SLC15A1: variants seen among roughly 807,000 people sequenced by gnomAD.
SLC15A1 encodes Caco-2 oligopeptide transporter.
Under a neutral mutation model 92.9 loss-of-function variants are expected in SLC15A1, and 83 were observed. That is an observed-to-expected ratio of 0.89 (90% CI 0.75 to 1.07). The LOEUF (loss-of-function observed/expected upper bound fraction) is 1.07, where lower values mean the gene tolerates loss of function less well. Among genes scored for constraint, SLC15A1 ranks in the 50% least tolerant of loss-of-function variants. The pLI, the probability that SLC15A1 is intolerant of heterozygous loss-of-function variation, is 0.00. For missense variants in SLC15A1, 857 were observed against 880.1 expected (o/e 0.97, Z 0.33); for synonymous variants, 322 against 318.2 (o/e 1.01, Z -0.13).
chr13:98,707,912 A>T (rs2088126786), intron 15 of SLC15A1, among the ~76,000 whole-genome samples: 1 of 146,484 alleles, frequency 6.8e-6, no homozygotes, highest in African/African-American at 2.6e-5. Flanking sequence ...AAAAAAAAAA[A>T]AAAAAAAAAG....
At chr13:98,704,493 T>G (rs543838690) in intron 16 of SLC15A1, 58 bp from the exon 17 acceptor site, 3 of 1,490,764 alleles carry the variant, frequency 2.0e-6, no homozygotes, top group Non-Finnish European at 2.7e-6. Flanking sequence ...ACTATGCAAC[T>G]GAACGCTGGA....
At chr13:98,696,898 G>A (rs977391984) in intron 18 of SLC15A1, among the ~76,000 whole-genome samples, 3 of 152,080 alleles carry the variant, frequency 2.0e-5, no homozygotes, top group African/African-American at 4.8e-5. Flanking sequence ...ATGAAGAGAT[G>A]ATTAGGACAC....
At chr13:98,712,197 C>T (rs751461851) in intron 10 of SLC15A1, among the ~76,000 whole-genome samples, 5 of 152,220 alleles carry the variant, frequency 3.3e-5, no homozygotes, top group Non-Finnish European at 5.9e-5. Context: ...ATCCCACCAC[C>T]GCCGTCACCA....
chr13:98,725,816 T>C (rs751613098), intron 4 of SLC15A1, among the ~76,000 whole-genome samples: 2 of 152,132 alleles, frequency 1.3e-5, no homozygotes, highest in Non-Finnish European at 2.9e-5. Context: ...CCTTGACCTC[T>C]GGGGCTCAAG....
intron 17 of SLC15A1, 81 bp from the exon 18 acceptor site, chr13:98,702,610 G>T: frequency 8.4e-7 from 1 of 1,190,782 alleles, no homozygotes; most frequent in South Asian, 1.2e-5. Context: ...TTCAGTCTTT[G>T]AGAAGGTGGT....
intron 18 of SLC15A1, among the ~76,000 whole-genome samples, chr13:98,696,307 G>T (rs1032231819): frequency 7.6e-6 from 1 of 131,940 alleles, no homozygotes; most frequent in Non-Finnish European, 1.6e-5. Flanking sequence ...CCAGCTACTC[G>T]GAAGGCTGAG....
chr13:98,705,429 C>T (rs1298834305), intron 16 of SLC15A1, among the ~76,000 whole-genome samples: 2 of 152,238 alleles, frequency 1.3e-5, no homozygotes, highest in East Asian at 1.9e-4. Context: ...GAGATGCCAG[C>T]AGCATACTCC....
intron 17 of SLC15A1, among the ~76,000 whole-genome samples, chr13:98,703,322 C>T (rs1243599706): frequency 1.3e-5 from 2 of 152,126 alleles, no homozygotes; most frequent in African/African-American, 4.8e-5. Flanking sequence ...TGAGCCTCTA[C>T]AATTTTTGAT....
chr13:98,724,196 G>C (rs1318052948), intron 4 of SLC15A1, among the ~76,000 whole-genome samples, 165 bp from the exon 5 acceptor site: 2 of 152,072 alleles, frequency 1.3e-5, no homozygotes, highest in African/African-American at 2.4e-5. Context: ...AACTCACATG[G>C]GCAAAAAGAA....
intron 18 of SLC15A1, among the ~76,000 whole-genome samples, chr13:98,691,044 CCTTTT>C: frequency 6.6e-6 from 1 of 151,964 alleles, no homozygotes. Context: ...GTACTCCATT[CCTTTT>C]TTGTTTTTTT....
chr13:98,719,164 A>C, intron 8 of SLC15A1, 73 bp downstream of exon 8: 1 of 1,080,094 alleles, frequency 9.3e-7, no homozygotes, highest in Non-Finnish European at 1.4e-6. Flanking sequence ...CACTTTAAAA[A>C]ATTAGTCACA....
chr13:98,688,699 A>C, intron 18 of SLC15A1, 122 bp from the exon 19 acceptor site: 1 of 713,640 alleles, frequency 1.4e-6, no homozygotes, highest in Non-Finnish European at 2.3e-6. Flanking sequence ...TGTTTTCAGA[A>C]TATTTCTAGA....
At chr13:98,712,996 T>C (rs2088177797) in intron 9 of SLC15A1, among the ~76,000 whole-genome samples, 2 of 152,248 alleles carry the variant, frequency 1.3e-5, no homozygotes, top group African/African-American at 2.4e-5. Flanking sequence ...TTTTACCTTC[T>C]TCTTCCATAT....
chr13:98,691,153 C>T (rs531562252), intron 18 of SLC15A1, among the ~76,000 whole-genome samples: 3 of 152,142 alleles, frequency 2.0e-5, no homozygotes, highest in Non-Finnish European at 4.4e-5. Context: ...AAGTGATTCT[C>T]CTGCCTCAGA....
chr13:98,685,458 G>A (rs901932883), intron 22 of SLC15A1, among the ~76,000 whole-genome samples: 1 of 152,212 alleles, frequency 6.6e-6, no homozygotes, highest in African/African-American at 2.4e-5. Context: ...GTAAGTATCA[G>A]TAGAGCCCTC....
intron 18 of SLC15A1, among the ~76,000 whole-genome samples, chr13:98,692,843 C>T (rs935319334): frequency 1.3e-5 from 2 of 151,952 alleles, no homozygotes; most frequent in Non-Finnish European, 2.9e-5. Flanking sequence ...CCTCCCGGGG[C>T]TCAGGTGATC....
chr13:98,727,878 C>G (rs1244354994), intron 1 of SLC15A1, among the ~76,000 whole-genome samples: 1 of 152,218 alleles, frequency 6.6e-6, no homozygotes, highest in Non-Finnish European at 1.5e-5. Flanking sequence ...TGCTCCACCT[C>G]CATTAGGAAT....
intron 18 of SLC15A1, among the ~76,000 whole-genome samples, chr13:98,701,995 CT>C (rs1192572531): frequency 6.6e-6 from 1 of 152,118 alleles, no homozygotes; most frequent in African/African-American, 2.4e-5. Flanking sequence ...ATTTTTATTT[CT>C]TCCTTTCTAA....
intron 5 of SLC15A1, among the ~76,000 whole-genome samples, chr13:98,723,278 T>C (rs2088274412): frequency 6.6e-6 from 1 of 152,116 alleles, no homozygotes; most frequent in Non-Finnish European, 1.5e-5. Context: ...AGTGTGGGGA[T>C]TGCCGATACT....
Sources: allele counts gnomAD v4.1 joint callset (sites outside exome capture counted in the v4.1 genomes callset), GRCh38; gene constraint gnomAD v4.1.1; transcripts MANE v1.5; gene names NCBI Gene and HGNC (gene_info 2026-07-23, HGNC 2026-07-21).